The following IFT43 variants were observed in gnomAD, a reference collection of about 807,000 sequenced individuals.
IFT43 encodes intraflagellar transport 43.
A neutral mutation model predicts 32.3 loss-of-function variants in IFT43; 33 were observed. The observed-to-expected ratio is 1.02, with a 90% CI of 0.77 to 1.37. The LOEUF is 1.37. Ranked by LOEUF, IFT43 falls within the 40% of genes most tolerant of loss-of-function variation. IFT43 has a pLI of 0.00. For missense variants in IFT43, 274 were observed against 265.9 expected, an observed-to-expected ratio of 1.03 and a Z score of -0.21; for synonymous variants, 93 against 98.2, an observed-to-expected ratio of 0.95 and a Z score of 0.31.
intron 3 of IFT43, among the ~76,000 whole-genome samples, chr14:76,057,819 A>T (rs1294895020): frequency 6.6e-6 from 1 of 152,194 alleles, no homozygotes; most frequent in Non-Finnish European, 1.5e-5. Flanking sequence ...AGAATAGTGG[A>T]AGTTTTCAGA....
At position 76,082,697 on chromosome 14, in the gene IFT43, G is replaced by A. The variant is rs377078385; in HGVS notation, c.444+5G>A. Reference sequence around the variant, plus strand: ...TACTCAGCCATTCAGACACTGGTGAGTGGAACAGCTTCTGCATAGAGAGGC... The same window carrying A: ...TACTCAGCCATTCAGACACTGGTGAATGGAACAGCTTCTGCATAGAGAGGC... On this transcript the variant is annotated splice_donor_5th_base_variant and intron_variant, in intron 7 of 8. Transcript: ENST00000314067. 1.5e-4 allele frequency: 234 copies of A among 1,583,346 alleles called. No individual in the cohort carries two copies. Among genetic ancestry groups the A allele is most frequent in the Non-Finnish European group, 1.9e-4 (222 of 1,152,072 alleles).
chr14:76,016,090 T>C (rs901910932), intron 2 of IFT43, among the ~76,000 whole-genome samples: 20 of 152,238 alleles, frequency 1.3e-4, no homozygotes, highest in Non-Finnish European at 5.9e-5. Context: ...GTTGGATAAA[T>C]AGTTTGCAGA....
chr14:76,076,475 G>A (rs1230487389), intron 5 of IFT43: 96 of 1,454,236 alleles, frequency 6.6e-5, no homozygotes, highest in Non-Finnish European at 8.8e-5. Context: ...GCCAGATTGG[G>A]GTGTCTCCTT....
At chr14:75,992,325 T>G (rs2035659898) in intron 2 of IFT43, among the ~76,000 whole-genome samples, 1 of 152,194 alleles carries the variant, frequency 6.6e-6, no homozygotes. Flanking sequence ...GAGATACGCA[T>G]TGAGACGCTT....
At chr14:76,077,408 T>A (rs568381206) in intron 5 of IFT43, among the ~76,000 whole-genome samples, 2 of 152,342 alleles carry the variant, frequency 1.3e-5, no homozygotes, top group South Asian at 4.1e-4. Context: ...ACATGGCTCT[T>A]CTGTGTGTGT....
At chr14:76,079,513 C>G (rs558429130) in intron 5 of IFT43, among the ~76,000 whole-genome samples, 11 of 152,046 alleles carry the variant, frequency 7.2e-5, no homozygotes, top group Non-Finnish European at 1.5e-4. Flanking sequence ...GGTCGTGGAG[C>G]CGGGATTTGG....
At chr14:76,016,663 A>T (rs1386021700) in intron 2 of IFT43, among the ~76,000 whole-genome samples, 1 of 152,142 alleles carries the variant, frequency 6.6e-6, no homozygotes, top group East Asian at 1.9e-4. Flanking sequence ...TCATTCTAAC[A>T]ATATTAATTC....
chr14:76,007,771 T>A (rs765767830), intron 2 of IFT43, among the ~76,000 whole-genome samples: 4 of 152,160 alleles, frequency 2.6e-5, no homozygotes, highest in Non-Finnish European at 4.4e-5. Context: ...GCAGAAAGTA[T>A]AGGGAAATGG....
chr14:76,063,383 C>T (rs1451104801), intron 5 of IFT43, among the ~76,000 whole-genome samples: 1 of 152,244 alleles, frequency 6.6e-6, no homozygotes, highest in Non-Finnish European at 1.5e-5. Context: ...TAGAGCTTTT[C>T]CTCTCCATTA....
At chr14:75,992,834 C>T (rs1368436445) in intron 2 of IFT43, among the ~76,000 whole-genome samples, 1 of 152,172 alleles carries the variant, frequency 6.6e-6, no homozygotes, top group East Asian at 1.9e-4. Flanking sequence ...AGCCACCACA[C>T]CCAACCTGGA....
At chr14:76,026,349 G>A (rs140173312) in intron 3 of IFT43, among the ~76,000 whole-genome samples, 24 of 152,074 alleles carry the variant, frequency 1.6e-4, no homozygotes, top group African/African-American at 4.8e-4. Flanking sequence ...ACCTGAGGTC[G>A]GGAGTTTGAG....
chr14:76,049,460 T>G (rs76596414), intron 3 of IFT43, among the ~76,000 whole-genome samples: 23,296 of 108,498 alleles, frequency 0.21, 1,906 homozygotes, highest in Non-Finnish European at 0.25. Context: ...GCTGTGTGTT[T>G]TTTTTTTTTT....
chr14:76,025,317 C>T (rs1009380521), intron 3 of IFT43, among the ~76,000 whole-genome samples: 14 of 152,026 alleles, frequency 9.2e-5, no homozygotes, highest in Non-Finnish European at 1.8e-4. Context: ...TTTTCATGGA[C>T]TCAATATTGA....
intron 3 of IFT43, among the ~76,000 whole-genome samples, chr14:76,051,589 T>G (rs1367383522): frequency 6.6e-6 from 1 of 152,154 alleles, no homozygotes; most frequent in Non-Finnish European, 1.5e-5. Context: ...CCGGGAATAT[T>G]GCCTTCTCTC....
chr14:76,009,048 C>T (rs989360382), intron 2 of IFT43, among the ~76,000 whole-genome samples: 5 of 152,080 alleles, frequency 3.3e-5, no homozygotes, highest in African/African-American at 4.8e-5. Context: ...TTGCCCTTGC[C>T]GGGTCTTATA....
intron 3 of IFT43, among the ~76,000 whole-genome samples, chr14:76,053,468 G>T (rs1190585116): frequency 6.6e-6 from 1 of 152,174 alleles, no homozygotes; most frequent in East Asian, 1.9e-4. Flanking sequence ...TGCAAGTCAC[G>T]ACAGCAAGAC....
At chr14:76,079,979 C>A (rs901933720) in intron 5 of IFT43, among the ~76,000 whole-genome samples, 1 of 152,082 alleles carries the variant, frequency 6.6e-6, no homozygotes, top group African/African-American at 2.4e-5. Context: ...AAAAAAATTC[C>A]CCAGAACATA....
At chr14:76,021,007 G>A (rs2036279743) in intron 2 of IFT43, among the ~76,000 whole-genome samples, 1 of 152,136 alleles carries the variant, frequency 6.6e-6, no homozygotes, top group South Asian at 2.1e-4. Flanking sequence ...CCTATTCCCA[G>A]GCTCGCAGAC....
rs2037086375 is a variant in IFT43, at chr14:76,059,317, T to C, written c.249-10T>C. The C allele has an allele frequency of 1.9e-6, 3 of 1,613,952 alleles. No individual in the cohort carries two copies. The highest frequency in any genetic ancestry group is 1.7e-5 in the Admixed American group (1 of 60,000). ...TTTTTTGCTGTCCTTTTCTTCTTTT[T>C]TGGGGGCAGTTTCCGCCTCAGACCA... On this transcript the variant is annotated splice_polypyrimidine_tract_variant and intron_variant, in intron 4 of 8. Coordinates refer to ENST00000314067, the MANE Select transcript of IFT43 (RefSeq NM_001102564.3).
Sources: gnomAD v4.1 joint callset for allele counts (sites outside exome capture counted in the v4.1 genomes callset) on GRCh38, gnomAD v4.1.1 for gene constraint, MANE v1.5 for transcripts, NCBI Gene and HGNC (gene_info 2026-07-23, HGNC 2026-07-21) for gene names.